Variants in ESRRB observed in about 807,000 individuals in gnomAD.
ESRRB encodes estrogen related receptor beta.
In ESRRB, 16 loss-of-function variants were observed where a neutral mutation model predicts 46.0. The ratio of observed to expected loss-of-function variants is 0.35; its 90% CI spans 0.24 to 0.53. The LOEUF (loss-of-function observed/expected upper bound fraction) is 0.53. Ranked by LOEUF, ESRRB falls within the 20% of genes least tolerant of loss-of-function variation. ESRRB has a pLI of 0.93. For missense variants in ESRRB, 488 were observed against 607.4 expected (o/e 0.80, Z 2.07); for synonymous variants, 246 against 259.6 (o/e 0.95, Z 0.50).
intron 1 of ESRRB, among the ~76,000 whole-genome samples, chr14:76,334,161 G>A (rs1884097780): frequency 6.6e-6 from 1 of 152,186 alleles, no homozygotes; most frequent in South Asian, 2.1e-4. Context: ...GAACAGTCCA[G>A]GCAGAAACCA....
intron 1 of ESRRB, among the ~76,000 whole-genome samples, chr14:76,334,801 A>G (rs1419100764): frequency 1.3e-5 from 2 of 152,202 alleles, no homozygotes; most frequent in Non-Finnish European, 2.9e-5. Flanking sequence ...TGGGGGAACC[A>G]GAAACACTTG....
intron 1 of ESRRB, among the ~76,000 whole-genome samples, chr14:76,349,509 C>G (rs913880905): frequency 3.3e-5 from 5 of 152,178 alleles, no homozygotes; most frequent in Admixed American, 3.3e-4. Context: ...GCGAGATGCT[C>G]AAGATCTCCA....
intron 1 of ESRRB, among the ~76,000 whole-genome samples, chr14:76,351,986 TAAAAAAAAAAA>T (rs201356393): frequency 1.1e-5 from 1 of 91,792 alleles, no homozygotes; most frequent in Non-Finnish European, 2.1e-5. Context: ...CCCAGTCTCT[TAAAAAAAAAAA>T]AAAAAAAAAA....
At chr14:76,435,132 C>T (rs558034861) in intron 1 of ESRRB, among the ~76,000 whole-genome samples, 5 of 152,300 alleles carry the variant, frequency 3.3e-5, no homozygotes, top group East Asian at 1.9e-4. Context: ...GATGGGCAGC[C>T]GCTAGTATCG....
chr14:76,384,222 G>C (rs1885129305), intron 1 of ESRRB, among the ~76,000 whole-genome samples: 1 of 152,148 alleles, frequency 6.6e-6, no homozygotes, highest in Non-Finnish European at 1.5e-5. Flanking sequence ...TACCTAAGCA[G>C]TCAAGCTAAC....
intron 1 of ESRRB, among the ~76,000 whole-genome samples, chr14:76,379,301 G>A (rs1438527385): frequency 6.6e-6 from 1 of 152,138 alleles, no homozygotes; most frequent in East Asian, 1.9e-4. Context: ...GTCCATGACT[G>A]GACCAGCTGG....
At chr14:76,345,803 G>A (rs1011579867) in intron 1 of ESRRB, among the ~76,000 whole-genome samples, 3 of 152,188 alleles carry the variant, frequency 2.0e-5, no homozygotes, top group Non-Finnish European at 4.4e-5. Context: ...AATTAATAAA[G>A]CCAAGACTTG....
chr14:76,481,001 A>G (rs577241548), intron 3 of ESRRB, among the ~76,000 whole-genome samples: 2 of 152,376 alleles, frequency 1.3e-5, no homozygotes, highest in East Asian at 3.9e-4. Context: ...TAAGGACTCC[A>G]AGAAGGAACG....
intron 1 of ESRRB, among the ~76,000 whole-genome samples, chr14:76,337,731 TC>T (rs1217185353): frequency 6.6e-6 from 1 of 152,228 alleles, no homozygotes; most frequent in South Asian, 2.1e-4. Flanking sequence ...TTCTAGGAAC[TC>T]ATGAGATCCT....
At chr14:76,411,298 A>T (rs1886428869) in intron 1 of ESRRB, among the ~76,000 whole-genome samples, 1 of 151,816 alleles carries the variant, frequency 6.6e-6, no homozygotes, top group African/African-American at 2.4e-5. Flanking sequence ...AAATACAAAA[A>T]TTAGCCGGGC....
In ESRRB at chr14:76,448,261, C is replaced by A. The variant is rs763258474; in HGVS notation, c.460+8511C>A. 4.5e-4 allele frequency among the ~76,000 whole-genome samples: 68 copies of A among 151,860 alleles called. 1 individual carries two copies. The highest frequency in any genetic ancestry group is 7.6e-4 in the Non-Finnish European group (52 of 67,986). ...CCCTTCTCCCACTGTATGGTTATTG[C>A]CATTTTTTTTGTCTGATACCCCAAG... On this transcript the variant is annotated intron_variant, in intron 2 of 6. Coordinates refer to ENST00000644823, the MANE Select transcript of ESRRB (RefSeq NM_001379180.1).
intron 1 of ESRRB, among the ~76,000 whole-genome samples, chr14:76,409,597 C>T (rs1310075540): frequency 2.0e-5 from 2 of 99,158 alleles, no homozygotes; most frequent in Non-Finnish European, 3.9e-5. Flanking sequence ...AGAAAGTGGG[C>T]TTTTGCATGT....
intron 1 of ESRRB, among the ~76,000 whole-genome samples, chr14:76,418,925 T>C (rs891980296): frequency 3.3e-5 from 5 of 151,474 alleles, no homozygotes; most frequent in African/African-American, 1.2e-4. Context: ...AGCCTAACCT[T>C]GAGAGTTTTT....
chr14:76,372,514 C>A (rs980767274), upstream of ESRRB, among the ~76,000 whole-genome samples: 1 of 152,072 alleles, frequency 6.6e-6, no homozygotes, highest in African/African-American at 2.4e-5. Flanking sequence ...GGGAAGAGCT[C>A]AAACTCAGGG....
chr14:76,496,528 G>A (rs1239375545), intron 6 of ESRRB, among the ~76,000 whole-genome samples: 1 of 107,914 alleles, frequency 9.3e-6, no homozygotes, highest in African/African-American at 3.2e-5. Flanking sequence ...CTCAAGGGCT[G>A]TGAAGGGATT....
chr14:76,496,573 G>T (rs1307895818), intron 6 of ESRRB, among the ~76,000 whole-genome samples: 1 of 149,990 alleles, frequency 6.7e-6, no homozygotes, highest in African/African-American at 2.5e-5. Context: ...GAGGCAGGAA[G>T]GGTTGTGCGG....
At chr14:76,424,264 A>G (rs1404041276) in intron 1 of ESRRB, among the ~76,000 whole-genome samples, 1 of 152,216 alleles carries the variant, frequency 6.6e-6, no homozygotes, top group Non-Finnish European at 1.5e-5. Context: ...TACAGTGGCC[A>G]GTCTCCATCT....
chr14:76,387,721 A>G (rs1885297150), intron 1 of ESRRB, among the ~76,000 whole-genome samples: 1 of 152,202 alleles, frequency 6.6e-6, no homozygotes, highest in Non-Finnish European at 1.5e-5. Context: ...TGCAGCCAGC[A>G]CCATTTTCAG....
intron 3 of ESRRB, among the ~76,000 whole-genome samples, chr14:76,476,357 A>T (rs187387015): frequency 6.6e-6 from 1 of 152,336 alleles, no homozygotes; most frequent in Non-Finnish European, 1.5e-5. Context: ...GCTTTTTTGC[A>T]TTCAGAAAAT....
Sources: gnomAD v4.1 joint callset for allele counts (sites outside exome capture counted in the v4.1 genomes callset) on GRCh38, gnomAD v4.1.1 for gene constraint, MANE v1.5 for transcripts, NCBI Gene and HGNC (gene_info 2026-07-23, HGNC 2026-07-21) for gene names.